ADGRL3: variants seen among roughly 807,000 people sequenced by gnomAD.
ADGRL3 encodes the protein calcium-independent alpha-latrotoxin receptor 3.
A neutral mutation model predicts 153.5 loss-of-function variants in ADGRL3; 62 were observed. The ratio of observed to expected loss-of-function variants is 0.40; its 90% CI spans 0.33 to 0.50. The LOEUF (loss-of-function observed/expected upper bound fraction) is 0.50. Ranked by LOEUF, ADGRL3 falls within the 20% of genes least tolerant of loss-of-function variation. The pLI, the probability that ADGRL3 is intolerant of heterozygous loss-of-function variation, is 0.47. For missense variants in ADGRL3, 1,641 were observed against 1,859.4 expected, an observed-to-expected ratio of 0.88 and a Z score of 2.16; for synonymous variants, 710 against 672.5, an observed-to-expected ratio of 1.06 and a Z score of -0.86.
chr4:61,271,906 C>T (rs189038193), intron 1 of ADGRL3, among the ~76,000 whole-genome samples: 1 of 152,044 alleles, frequency 6.6e-6, no homozygotes, highest in East Asian at 1.9e-4. Flanking sequence ...GCTTGCTGTT[C>T]ATTTGTGTGA....
chr4:61,247,931 G>A (rs548654057), intron 1 of ADGRL3, among the ~76,000 whole-genome samples: 2 of 152,100 alleles, frequency 1.3e-5, no homozygotes, highest in East Asian at 1.9e-4. Context: ...TAATAGCAAA[G>A]AAATGAACCA....
chr4:61,371,926 T>C (rs1049192209), intron 1 of ADGRL3, among the ~76,000 whole-genome samples: 1 of 152,240 alleles, frequency 6.6e-6, no homozygotes, highest in African/African-American at 2.4e-5. Flanking sequence ...GGCTTTGCTC[T>C]TTTCTTTTTA....
rs1035364483 is a variant in ADGRL3, at chr4:61,510,390, G to T, written c.56-6925G>T. ...GCTTGTAGGATTTTTATAGTTTAGG[G>T]TCTCACATTTAGAATTTTAATCCCT... On this transcript the variant is annotated intron_variant, in intron 3 of 26. Coordinates refer to ENST00000683033, the MANE Select transcript of ADGRL3 (RefSeq NM_001387552.1). Among the ~76,000 whole-genome samples, 6 of 152,258 alleles carry T rather than the reference G, an allele frequency of 3.9e-5. 1 individual carries two copies. Among genetic ancestry groups the T allele is most frequent in the Admixed American group, 2.0e-4 (3 of 15,300 alleles).
intron 1 of ADGRL3, among the ~76,000 whole-genome samples, chr4:61,214,059 A>G (rs1741456953): frequency 6.6e-6 from 1 of 152,170 alleles, no homozygotes; most frequent in South Asian, 2.1e-4. Flanking sequence ...TTGGTTATGT[A>G]TAGTTCTACT....
At chr4:61,847,847 AAATATATTATATAT>A (rs1474812596) in intron 9 of ADGRL3, among the ~76,000 whole-genome samples, 3 of 12,692 alleles carry the variant, frequency 2.4e-4, no homozygotes, top group African/African-American at 6.5e-4. Context: ...ATATAATATA[AAATATATTATATAT>A]AATATAAAAT....
At chr4:62,056,281 A>G (rs2151813604) in intron 25 of ADGRL3, among the ~76,000 whole-genome samples, 1 of 151,928 alleles carries the variant, frequency 6.6e-6, no homozygotes, top group South Asian at 2.1e-4. Flanking sequence ...AATATAATAT[A>G]TATTTGGAGT....
rs555942921 is a variant in ADGRL3 at position 61,962,482 on chromosome 4, T to A, written c.2805+14206T>A. 2.0e-5 allele frequency among the ~76,000 whole-genome samples: 3 copies of A among 152,156 alleles called. No individual in the cohort carries two copies. In the South Asian group the frequency reaches 6.2e-4, roughly 32 times the overall value. Reference sequence around the variant, plus strand: ...GCCTTCATTTGCCTTGTTGCTAATCTTCTTTTATGTATTTCTGCCTGTTTT... The same window carrying A: ...GCCTTCATTTGCCTTGTTGCTAATCATCTTTTATGTATTTCTGCCTGTTTT... On this transcript the variant is annotated intron_variant, in intron 17 of 26. Transcript: ENST00000683033.
intron 2 of ADGRL3, among the ~76,000 whole-genome samples, chr4:61,492,714 A>G (rs1277344736): frequency 6.6e-6 from 1 of 152,078 alleles, no homozygotes; most frequent in Non-Finnish European, 1.5e-5. Context: ...TTAGAGTATA[A>G]TTGTGTTAGA....
chr4:61,329,791 A>G (rs1390176143), intron 1 of ADGRL3, among the ~76,000 whole-genome samples: 6 of 152,210 alleles, frequency 3.9e-5, no homozygotes, highest in African/African-American at 1.4e-4. Flanking sequence ...GGAGTGTTTA[A>G]TATAAACAAT....
Position 62,044,482 on chromosome 4 carries a change from G to T in ADGRL3, c.3747G>T (p.Thr1249=), listed in dbSNP as rs572601129. The T allele has an allele frequency of 1.9e-6, 3 of 1,596,418 alleles. No individual in the cohort carries two copies. The highest frequency in any genetic ancestry group is 2.3e-5 in the South Asian group (2 of 87,642). The stretch of plus-strand genomic sequence containing the variant: ...GAATCCGTAGAATGTGGAATGACAC[G>T]GTTCGAAAGCAGTCAGAGTCTTCCT... ...QSRIRRMWND[T]VRKQSESSFI... is the part of the protein sequence containing the mutation. Residue 1249 remains threonine (T), a synonymous_variant, in exon 25 of 27, where the codon ACG becomes ACT. Transcript: ENST00000683033.
intron 3 of ADGRL3, among the ~76,000 whole-genome samples, chr4:61,514,347 G>T (rs114075422): frequency 1.3e-5 from 2 of 152,160 alleles, no homozygotes; most frequent in African/African-American, 4.8e-5. Flanking sequence ...GCAGACTTAA[G>T]ATTCGTGTTT....
chr4:61,678,665 G>C (rs1188341918), intron 6 of ADGRL3, among the ~76,000 whole-genome samples: 1 of 151,802 alleles, frequency 6.6e-6, no homozygotes, highest in Non-Finnish European at 1.5e-5. Flanking sequence ...TGATAATCCT[G>C]AAAGTTTACT....
chr4:61,504,113 C>G (rs943825707), intron 3 of ADGRL3, among the ~76,000 whole-genome samples: 5 of 152,170 alleles, frequency 3.3e-5, no homozygotes, highest in African/African-American at 1.2e-4. Context: ...CCACCTCAGC[C>G]TCCCAAGTGG....
intron 2 of ADGRL3, among the ~76,000 whole-genome samples, chr4:61,473,646 G>A (rs2098000348): frequency 6.6e-6 from 1 of 151,928 alleles, no homozygotes; most frequent in South Asian, 2.1e-4. Context: ...TTTATAATAG[G>A]AAGTGAGACA....
intron 17 of ADGRL3, among the ~76,000 whole-genome samples, chr4:61,961,930 T>G (rs1216647298): frequency 6.6e-6 from 1 of 152,222 alleles, no homozygotes; most frequent in African/African-American, 2.4e-5. Flanking sequence ...AATACTCATA[T>G]ACCCCTTTTT....
At chr4:61,843,508 C>T (rs2098065251) in intron 9 of ADGRL3, among the ~76,000 whole-genome samples, 1 of 152,074 alleles carries the variant, frequency 6.6e-6, no homozygotes, top group African/African-American at 2.4e-5. Context: ...ATACAATATG[C>T]AAGAGGAGCC....
chr4:61,604,423 A>G (rs2099023953), intron 5 of ADGRL3, among the ~76,000 whole-genome samples: 1 of 152,206 alleles, frequency 6.6e-6, no homozygotes, highest in South Asian at 2.1e-4. Flanking sequence ...TAAAAGGTGC[A>G]AAGAAATACC....
intron 3 of ADGRL3, among the ~76,000 whole-genome samples, chr4:61,509,339 G>T (rs935017119): frequency 5.9e-5 from 9 of 152,074 alleles, no homozygotes; most frequent in South Asian, 2.1e-4. Flanking sequence ...TGTTGGCCAG[G>T]CTGGTCTTGA....
At position 61,732,986 on chromosome 4, in the gene ADGRL3, A is replaced by G. The variant is rs1329009042; in HGVS notation, c.831A>G (p.Thr277=). The G allele has an allele frequency of 6.2e-7, 1 of 1,613,806 alleles. No individual in the cohort carries two copies. Among genetic ancestry groups the G allele is most frequent in the Admixed American group, 1.7e-5 (1 of 59,928 alleles). Residue 277 remains threonine, a synonymous_variant, in exon 8 of 27, where the codon ACA becomes ACG. Transcript: ENST00000683033. ...AGCTCCCTCACAGGGTGGATGGCACAGGATTTGTAGTGTATGATGGAGCTT... is the reference window on the plus strand; with the variant it reads ...AGCTCCCTCACAGGGTGGATGGCACGGGATTTGTAGTGTATGATGGAGCTT... ...TYKLPHRVDG[T]GFVVYDGALF... is the part of the protein sequence containing the mutation.
Sources: gnomAD v4.1 joint callset for allele counts (sites outside exome capture counted in the v4.1 genomes callset) on GRCh38, gnomAD v4.1.1 for gene constraint, MANE v1.5 for transcripts, NCBI Gene and HGNC (gene_info 2026-07-23, HGNC 2026-07-21) for gene names.